Variants in ACOXL observed in about 807,000 individuals in gnomAD.
ACOXL encodes acyl-CoA oxidase like, also known as acyl-coenzyme A oxidase-like protein.
A neutral mutation model predicts 71.9 loss-of-function variants in ACOXL; 70 were observed. The ratio of observed to expected loss-of-function variants is 0.97; its 90% CI spans 0.80 to 1.19. The LOEUF is 1.19. ACOXL is among the 50% of genes most tolerant of loss of function. ACOXL has a pLI of 0.00. For missense variants in ACOXL, 703 were observed against 736.3 expected (o/e 0.95, Z 0.52); for synonymous variants, 253 against 281.6 (o/e 0.90, Z 1.02).
rs74733104 is a variant in ACOXL, at chr2:110,823,301, G to A, written c.753+17906G>A. ...ATGTTTTTTCATGACTGGATAGCTC[G>A]TTCTTTTTGTTGCTGAATAGTATTC... On this transcript the variant is annotated intron_variant, in intron 9 of 17. Transcript: ENST00000439055. Among the ~76,000 whole-genome samples the A allele has an allele frequency of 1.2e-3, 178 of 151,646 alleles. 2 individuals are homozygous for A. The East Asian group carries it at 0.025, about 21-fold the overall frequency.
chr2:110,942,199 C>T (rs1574216585), intron 12 of ACOXL, among the ~76,000 whole-genome samples: 1 of 152,156 alleles, frequency 6.6e-6, no homozygotes, highest in African/African-American at 2.4e-5. Context: ...AAACAAATAG[C>T]AAAATGGTAT....
intron 10 of ACOXL, among the ~76,000 whole-genome samples, chr2:110,878,605 A>G (rs1399671468): frequency 6.6e-6 from 1 of 152,126 alleles, no homozygotes; most frequent in African/African-American, 2.4e-5. Flanking sequence ...TCTACTAAAA[A>G]TACAAAAAAA....
intron 12 of ACOXL, among the ~76,000 whole-genome samples, chr2:110,956,185 C>G (rs1304838294): frequency 6.6e-6 from 1 of 152,072 alleles, no homozygotes; most frequent in Non-Finnish European, 1.5e-5. Flanking sequence ...CTCGGCATCT[C>G]AAAGTGCTGG....
intron 17 of ACOXL, among the ~76,000 whole-genome samples, chr2:111,112,724 T>C (rs1395850323): frequency 6.6e-6 from 1 of 152,220 alleles, no homozygotes; most frequent in Non-Finnish European, 1.5e-5. Flanking sequence ...TTGAAGGCAC[T>C]TGAATTGTGT....
chr2:110,856,925 T>G (rs1357741898), intron 10 of ACOXL, among the ~76,000 whole-genome samples: 1 of 152,264 alleles, frequency 6.6e-6, no homozygotes, highest in East Asian at 1.9e-4. Flanking sequence ...ATGATGCTGT[T>G]AAGACTCTCT....
chr2:110,891,742 A>G (rs1267511890), intron 10 of ACOXL, among the ~76,000 whole-genome samples: 2 of 152,180 alleles, frequency 1.3e-5, no homozygotes, highest in Non-Finnish European at 2.9e-5. Flanking sequence ...TATACAGGTC[A>G]GCAAAAGCAG....
chr2:110,781,371 G>T (rs978118699), intron 2 of ACOXL, among the ~76,000 whole-genome samples: 1 of 152,164 alleles, frequency 6.6e-6, no homozygotes, highest in Non-Finnish European at 1.5e-5. Context: ...GCCAGGCACA[G>T]TCGTTCACGC....
rs141399669 is a variant in ACOXL, at chr2:110,845,051, C to G, written c.788+3646C>G. Among the ~76,000 whole-genome samples, 537 of 152,332 alleles carry G rather than the reference C, an allele frequency of 3.5e-3. 3 individuals are homozygous for G. The highest frequency in any genetic ancestry group is 6.1e-3 in the Non-Finnish European group (414 of 68,042). ...GAAATATGCCTAACATAAAATCAGC[C>G]ATTTGTTTTAGTCTGTTTGTGCTGC... On this transcript the variant is annotated intron_variant, in intron 10 of 17. Coordinates refer to ENST00000439055, the MANE Select transcript of ACOXL (RefSeq NM_001142807.4).
intron 16 of ACOXL, among the ~76,000 whole-genome samples, chr2:111,083,049 G>A (rs2068009601): frequency 6.6e-6 from 1 of 152,132 alleles, no homozygotes; most frequent in African/African-American, 2.4e-5. Context: ...TTGGGGTTAG[G>A]GGAGGGATAG....
chr2:111,087,127 T>G (rs1297452583), intron 16 of ACOXL, among the ~76,000 whole-genome samples: 1 of 152,122 alleles, frequency 6.6e-6, no homozygotes, highest in African/African-American at 2.4e-5. Flanking sequence ...ATGAAAATTA[T>G]AAAACAGTGC....
chr2:111,108,256 A>G (rs1381374255), intron 17 of ACOXL, among the ~76,000 whole-genome samples: 3 of 152,112 alleles, frequency 2.0e-5, no homozygotes, highest in Non-Finnish European at 4.4e-5. Flanking sequence ...CTTACTTGAC[A>G]AAAGAGATAA....
intron 11 of ACOXL, among the ~76,000 whole-genome samples, chr2:110,911,670 T>C (rs2059656041): frequency 6.6e-6 from 1 of 152,094 alleles, no homozygotes; most frequent in African/African-American, 2.4e-5. Context: ...TACCTTTTCA[T>C]GATAAAAACG....
At chr2:110,914,649 C>G (rs551948741) in intron 11 of ACOXL, among the ~76,000 whole-genome samples, 4 of 152,124 alleles carry the variant, frequency 2.6e-5, no homozygotes, top group African/African-American at 9.6e-5. Context: ...ATATTTATTT[C>G]TTTTAATTTT....
At chr2:111,086,183 G>A (rs2068195732) in intron 16 of ACOXL, among the ~76,000 whole-genome samples, 1 of 152,036 alleles carries the variant, frequency 6.6e-6, no homozygotes, top group African/African-American at 2.4e-5. Context: ...TCAAAACATT[G>A]AGAAAGGACA....
At chr2:111,067,010 C>A (rs764876454) in intron 16 of ACOXL, among the ~76,000 whole-genome samples, 58 of 152,084 alleles carry the variant, frequency 3.8e-4, no homozygotes, top group South Asian at 6.2e-4. Flanking sequence ...AGTTGAGTAA[C>A]GGACATATAT....
chr2:110,749,798 G>A (rs72830985), intron 1 of ACOXL, among the ~76,000 whole-genome samples: 3,785 of 152,256 alleles, frequency 0.025, 70 homozygotes, highest in East Asian at 0.055. Context: ...ACTGGTGGTC[G>A]ATTTCTGCTC....
At chr2:110,769,858 A>G (rs1681652133) in intron 2 of ACOXL, among the ~76,000 whole-genome samples, 1 of 151,894 alleles carries the variant, frequency 6.6e-6, no homozygotes. Flanking sequence ...AATAAAATAA[A>G]AAACCCCAAA....
In ACOXL at chr2:110,987,216, A is replaced by G; in HGVS notation, c.1168A>G (p.Ser390Gly). The G allele has an allele frequency of 6.4e-7, 1 of 1,567,632 alleles. No homozygotes were observed. The highest frequency in any genetic ancestry group is 8.7e-7 in the Non-Finnish European group (1 of 1,153,662). The part of the protein sequence containing the change: ...AESVGDKLRT[S>G]FLAFNMDTVD... ...ATCTGTGGGGGACAAGCTGAGAACC[A>G]GGTACGTATTACTCAGGCCATCATC... Residue 390 changes from serine (S) to glycine (G), a missense_variant and splice_region_variant, in exon 13 of 18, where the codon AGT becomes GGT. Coordinates refer to ENST00000439055, the MANE Select transcript of ACOXL (RefSeq NM_001142807.4).
At chr2:110,861,293 T>TA (rs1013460318) in intron 10 of ACOXL, among the ~76,000 whole-genome samples, 3 of 151,778 alleles carry the variant, frequency 2.0e-5, no homozygotes, top group Non-Finnish European at 2.9e-5. Context: ...TCTACATCAT[T>TA]AAAAAAAATA....
Sources: gnomAD v4.1 joint callset for allele counts (sites outside exome capture counted in the v4.1 genomes callset) on GRCh38, gnomAD v4.1.1 for gene constraint, MANE v1.5 for transcripts, NCBI Gene and HGNC (gene_info 2026-07-23, HGNC 2026-07-21) for gene names.